The following STK39 variants were observed in gnomAD, a reference collection of about 807,000 sequenced individuals.
The protein encoded by STK39 is STE20/SPS1-related proline-alanine-rich protein kinase.
STK39 carries 20 observed loss-of-function variants against 77.8 expected under a neutral mutation model. The observed-to-expected ratio is 0.26, with a 90% confidence interval of 0.18 to 0.37. The LOEUF (loss-of-function observed/expected upper bound fraction) is 0.37, where lower values mean the gene tolerates loss of function less well. Ranked by LOEUF, STK39 falls within the 10% of genes least tolerant of loss-of-function variation. The pLI is 1.00. For missense variants in STK39, 479 were observed against 656.5 expected, an observed-to-expected ratio of 0.73 and a Z score of 2.95; for synonymous variants, 246 against 234.1, an observed-to-expected ratio of 1.05 and a Z score of -0.47.
Position 168,046,177 on chromosome 2 carries a change from C to T in STK39, c.1376+17323G>A, listed in dbSNP as rs368712157. ...GGTCAGGAGATCGAGACCATCCTGG[C>T]CAACATGGTGAAACCCCGCCTTTAC... is the stretch of plus-strand genomic sequence containing the variant. On this transcript the variant is annotated intron_variant, in intron 14 of 17. Transcript: ENST00000355999. 1.1e-4 allele frequency among the ~76,000 whole-genome samples: 17 copies of T among 152,168 alleles called. 1 individual carries two copies. The East Asian group carries it at 3.1e-3, about 28-fold the overall frequency.
At chr2:168,177,003 A>G (rs1688971229) in intron 2 of STK39, among the ~76,000 whole-genome samples, 1 of 152,186 alleles carries the variant, frequency 6.6e-6, no homozygotes, top group Admixed American at 6.5e-5. Flanking sequence ...TCATCACACA[A>G]ATAAGGACCA....
chr2:168,000,736 G>C (rs976860105), intron 16 of STK39, among the ~76,000 whole-genome samples: 1 of 152,146 alleles, frequency 6.6e-6, no homozygotes, highest in Non-Finnish European at 1.5e-5. Context: ...CTGACAGCAC[G>C]ATCTTGACCC....
At chr2:168,140,161 A>G (rs1687943720) in intron 7 of STK39, 128 bp downstream of exon 7, 3 of 772,412 alleles carry the variant, frequency 3.9e-6, no homozygotes, top group Non-Finnish European at 4.4e-6. Flanking sequence ...ACAATGTTCA[A>G]CTTGGCTGCG....
chr2:167,996,584 G>A (rs999483078), intron 16 of STK39, among the ~76,000 whole-genome samples: 4 of 152,124 alleles, frequency 2.6e-5, no homozygotes, highest in Admixed American at 1.3e-4. Context: ...CACCTAATTC[G>A]GTGGGTCAAG....
At chr2:167,970,061 G>A (rs576300724) in intron 16 of STK39, among the ~76,000 whole-genome samples, 134 of 152,052 alleles carry the variant, frequency 8.8e-4, no homozygotes, top group African/African-American at 2.9e-3. Flanking sequence ...TCCCTCTCCC[G>A]GAAATGTTCT....
chr2:168,108,717 C>T (rs1474347523), intron 10 of STK39, among the ~76,000 whole-genome samples: 1 of 152,148 alleles, frequency 6.6e-6, no homozygotes, highest in Non-Finnish European at 1.5e-5. Flanking sequence ...ACTAACCCTT[C>T]TCAATGAATC....
At chr2:168,223,346 C>T (rs529441492) in intron 1 of STK39, among the ~76,000 whole-genome samples, 26 of 151,952 alleles carry the variant, frequency 1.7e-4, no homozygotes, top group African/African-American at 3.6e-4. Flanking sequence ...CCCGTCTTTA[C>T]TAAAAATACT....
chr2:168,126,043 G>C (rs1687532186), intron 10 of STK39, among the ~76,000 whole-genome samples: 1 of 152,124 alleles, frequency 6.6e-6, no homozygotes, highest in African/African-American at 2.4e-5. Flanking sequence ...TCTTAATGTT[G>C]GTTAGCAGAA....
At chr2:168,151,345 T>C (rs896246563) in intron 5 of STK39, among the ~76,000 whole-genome samples, 1 of 152,246 alleles carries the variant, frequency 6.6e-6, no homozygotes, top group East Asian at 1.9e-4. Flanking sequence ...GTCTCATATG[T>C]AGACTCTTGA....
At chr2:168,179,876 C>T (rs1025803407) in intron 2 of STK39, among the ~76,000 whole-genome samples, 4 of 152,160 alleles carry the variant, frequency 2.6e-5, no homozygotes, top group Non-Finnish European at 4.4e-5. Context: ...CAGAGGGAAA[C>T]GTGAAGGCTG....
At chr2:168,160,354 C>T (rs1688537160) in intron 5 of STK39, among the ~76,000 whole-genome samples, 1 of 152,220 alleles carries the variant, frequency 6.6e-6, no homozygotes. Context: ...CATAAACTCT[C>T]CTCAGAGCTG....
intron 6 of STK39, 85 bp from the exon 7 acceptor site, chr2:168,140,475 G>A: frequency 7.8e-7 from 1 of 1,288,108 alleles, no homozygotes; most frequent in South Asian, 1.2e-5. Context: ...GAAATCCACA[G>A]CTGTTGATGT....
intron 1 of STK39, among the ~76,000 whole-genome samples, chr2:168,211,852 A>C (rs1689898978): frequency 6.6e-6 from 1 of 152,174 alleles, no homozygotes; most frequent in Admixed American, 6.5e-5. Context: ...ATTCTGACAC[A>C]AACACTCACT....
At chr2:168,232,695 G>A (rs1205506451) in intron 1 of STK39, among the ~76,000 whole-genome samples, 6 of 152,082 alleles carry the variant, frequency 3.9e-5, no homozygotes, top group African/African-American at 9.7e-5. Flanking sequence ...GGCAAATCAC[G>A]AGGTCAGGAG....
chr2:168,228,333 CT>C (rs143434047), intron 1 of STK39, among the ~76,000 whole-genome samples: 1,843 of 150,250 alleles, frequency 0.012, 44 homozygotes, highest in African/African-American at 0.042. Flanking sequence ...TCAATTTACA[CT>C]TTTTTTTTTA....
chr2:167,962,709 G>A (rs1462494800), intron 17 of STK39, among the ~76,000 whole-genome samples: 2 of 152,180 alleles, frequency 1.3e-5, no homozygotes, highest in African/African-American at 4.8e-5. Context: ...CAATGTAAAT[G>A]TACCCAGTCA....
chr2:167,978,658 T>C (rs900327373), intron 16 of STK39, among the ~76,000 whole-genome samples: 1 of 152,222 alleles, frequency 6.6e-6, no homozygotes, highest in African/African-American at 2.4e-5. Flanking sequence ...TGCATGTTTT[T>C]CAAGTCTGAG....
intron 2 of STK39, among the ~76,000 whole-genome samples, chr2:168,174,549 T>TATTC (rs141049622): frequency 0.011 from 1,739 of 152,238 alleles, 28 homozygotes; most frequent in African/African-American, 0.04. Flanking sequence ...CTAAAAAAGT[T>TATTC]ATTCAACAAA....
At chr2:168,123,649 C>T (rs937806939) in intron 10 of STK39, among the ~76,000 whole-genome samples, 10 of 152,060 alleles carry the variant, frequency 6.6e-5, no homozygotes, top group Admixed American at 4.6e-4. Context: ...GTCAGAGGAT[C>T]ACTTAAGGTC....
Sources: allele counts gnomAD v4.1 joint callset (sites outside exome capture counted in the v4.1 genomes callset), GRCh38; gene constraint gnomAD v4.1.1; transcripts MANE v1.5; gene names NCBI Gene and HGNC (gene_info 2026-07-23, HGNC 2026-07-21).